The following CCDC7 variants were observed in gnomAD, a reference collection of about 807,000 sequenced individuals.
CCDC7 encodes coiled-coil domain containing 7.
A neutral mutation model predicts 196.9 loss-of-function variants in CCDC7; 183 were observed. That is an observed-to-expected ratio of 0.93 (90% CI 0.82 to 1.05). The LOEUF is 1.05. CCDC7 is among the 50% of genes least tolerant of loss of function. CCDC7 has a pLI of 0.00. For missense variants in CCDC7, 1,540 were observed against 1,482.2 expected, an observed-to-expected ratio of 1.04 and a Z score of -0.64; for synonymous variants, 525 against 484.6, an observed-to-expected ratio of 1.08 and a Z score of -1.10.
At chr10:32,509,192 A>C (rs1167995330) in intron 9 of CCDC7, among the ~76,000 whole-genome samples, 1 of 152,156 alleles carries the variant, frequency 6.6e-6, no homozygotes, top group African/African-American at 2.4e-5. Context: ...ACAGTATGGT[A>C]CTGGCATAAA....
At chr10:32,469,992 C>A (rs907325019) in intron 5 of CCDC7, among the ~76,000 whole-genome samples, 1 of 152,110 alleles carries the variant, frequency 6.6e-6, no homozygotes, top group Non-Finnish European at 1.5e-5. Flanking sequence ...TTATGATTTG[C>A]GGCTTCTTAT....
At chr10:32,549,532 T>G (rs1335785548) in intron 13 of CCDC7, among the ~76,000 whole-genome samples, 2 of 152,172 alleles carry the variant, frequency 1.3e-5, no homozygotes, top group Non-Finnish European at 2.9e-5. Context: ...TCTTCTAGAA[T>G]TTTTATAGTT....
intron 28 of CCDC7, among the ~76,000 whole-genome samples, chr10:32,733,370 G>C (rs1158286915): frequency 6.6e-6 from 1 of 151,996 alleles, no homozygotes; most frequent in Non-Finnish European, 1.5e-5. Context: ...TGGATTAAAA[G>C]CATCTTTTTT....
At chr10:32,486,678 G>A (rs1027514354) in intron 8 of CCDC7, among the ~76,000 whole-genome samples, 1 of 93,350 alleles carries the variant, frequency 1.1e-5, no homozygotes, top group Non-Finnish European at 2.2e-5. Flanking sequence ...CTCTTTTAGG[G>A]CAGGCCTGAT....
intron 31 of CCDC7, among the ~76,000 whole-genome samples, chr10:32,819,748 C>T (rs1410525723): frequency 6.6e-6 from 1 of 152,058 alleles, no homozygotes; most frequent in East Asian, 1.9e-4. Flanking sequence ...CAGAAAAGGC[C>T]TTTGACAAAA....
chr10:32,694,045 G>A (rs1243151876), intron 23 of CCDC7, among the ~76,000 whole-genome samples: 2 of 152,132 alleles, frequency 1.3e-5, no homozygotes, highest in Non-Finnish European at 2.9e-5. Context: ...CAGTACAAAA[G>A]CACTCTGTAA....
intron 18 of CCDC7, among the ~76,000 whole-genome samples, chr10:32,599,056 TG>T (rs541488344): frequency 9.2e-4 from 140 of 152,352 alleles, no homozygotes; most frequent in African/African-American, 3.1e-3. Flanking sequence ...TCCCTTCAAT[TG>T]TGTCAGTGTT....
At chr10:32,817,935 A>G (rs2089168390) in intron 31 of CCDC7, among the ~76,000 whole-genome samples, 1 of 152,220 alleles carries the variant, frequency 6.6e-6, no homozygotes, top group Non-Finnish European at 1.5e-5. Context: ...TCAACTAACG[A>G]GCAAAATAAC....
upstream of CCDC7, chr10:32,451,556 TG>T: frequency 6.7e-7 from 1 of 1,483,770 alleles, no homozygotes; most frequent in Non-Finnish European, 9.0e-7. Context: ...AATTAGAGCC[TG>T]GTGTTTTCTC....
At chr10:32,785,288 C>T (rs2081661725) in intron 29 of CCDC7, among the ~76,000 whole-genome samples, 2 of 152,112 alleles carry the variant, frequency 1.3e-5, no homozygotes, top group African/African-American at 4.8e-5. Flanking sequence ...CCACAAATCA[C>T]ATTTTCTATG....
intron 12 of CCDC7, 75 bp downstream of exon 13, chr10:32,543,460 G>C: frequency 8.6e-7 from 1 of 1,157,410 alleles, no homozygotes. Context: ...ACAATTTAAA[G>C]TCAAATAAAC....
chr10:32,628,657 C>G (rs570839794), intron 18 of CCDC7, among the ~76,000 whole-genome samples: 1 of 152,092 alleles, frequency 6.6e-6, no homozygotes, highest in Admixed American at 6.6e-5. Flanking sequence ...TCTCTTAGAA[C>G]TGCTTTTGCC....
At chr10:32,661,968 A>G (rs892651245) in intron 20 of CCDC7, among the ~76,000 whole-genome samples, 1 of 152,094 alleles carries the variant, frequency 6.6e-6, no homozygotes, top group African/African-American at 2.4e-5. Context: ...CTTGTGGCCT[A>G]TATTGCCTTT....
At chr10:32,729,975 G>T (rs975022387) in intron 28 of CCDC7, among the ~76,000 whole-genome samples, 3 of 151,868 alleles carry the variant, frequency 2.0e-5, no homozygotes, top group African/African-American at 7.3e-5. Flanking sequence ...ACTTACAATT[G>T]TATATACTCT....
intron 16 of CCDC7, among the ~76,000 whole-genome samples, chr10:32,577,547 C>T (rs891682522): frequency 6.6e-6 from 1 of 152,074 alleles, no homozygotes; most frequent in African/African-American, 2.4e-5. Context: ...CATGGGATCT[C>T]AACAACTCAC....
rs1410817396 is a variant in CCDC7 at position 32,845,576 on chromosome 10, G to T, written c.3470G>T (p.Gly1157Val). The change falls in exon 35 of 42, where the codon GGA becomes GTA. Residue 1157 changes from glycine to valine, a missense_variant. By Grantham distance (109) the Gly-to-Val change is moderately radical (BLOSUM62 -3). Coordinates refer to ENST00000639629, the Ensembl canonical transcript of CCDC7. ...AAGAACTTCTTTGCCTATGCTACTGGAAGAGGTCTAATGAAGGAGTCAACC... is the reference window on the plus strand; with the variant it reads ...AAGAACTTCTTTGCCTATGCTACTGTAAGAGGTCTAATGAAGGAGTCAACC... The T allele has an allele frequency of 1.9e-6, 3 of 1,612,690 alleles. No homozygotes were observed. In the South Asian group the frequency reaches 3.3e-5, roughly 18 times the overall value.
intron 28 of CCDC7, among the ~76,000 whole-genome samples, chr10:32,762,829 G>A (rs984727910): frequency 3.3e-5 from 5 of 151,654 alleles, no homozygotes; most frequent in Non-Finnish European, 7.4e-5. Flanking sequence ...AATGAAACTG[G>A]AACTTATTTT....
At chr10:32,498,722 C>T (rs1396753494) in intron 9 of CCDC7, among the ~76,000 whole-genome samples, 1 of 152,070 alleles carries the variant, frequency 6.6e-6, no homozygotes, top group African/African-American at 2.4e-5. Context: ...CCAATCTCTT[C>T]TGGCTTGCAT....
intron 18 of CCDC7, among the ~76,000 whole-genome samples, chr10:32,608,705 T>C (rs1242669542): frequency 6.6e-6 from 1 of 152,048 alleles, no homozygotes; most frequent in Non-Finnish European, 1.5e-5. Flanking sequence ...CATGCCCAGC[T>C]AATTTTTGTA....
Sources: gnomAD v4.1 joint callset for allele counts (sites outside exome capture counted in the v4.1 genomes callset) on GRCh38, gnomAD v4.1.1 for gene constraint, MANE v1.5 for transcripts, NCBI Gene and HGNC (gene_info 2026-07-23, HGNC 2026-07-21) for gene names.